Variants in DTNA observed in about 807,000 individuals in gnomAD.
DTNA encodes dystrophin-related protein 3.
A neutral mutation model predicts 100.7 loss-of-function variants in DTNA; 43 were observed. The observed-to-expected ratio is 0.43, with a 90% CI of 0.33 to 0.55. DTNA has a LOEUF of 0.55. Ranked by LOEUF, DTNA falls within the 20% of genes least tolerant of loss-of-function variation. The pLI, the probability that DTNA is intolerant of heterozygous loss-of-function variation, is 0.04. For missense variants in DTNA, 798 were observed against 953.9 expected (o/e 0.84, Z 2.15); for synonymous variants, 349 against 347.9 (o/e 1.00, Z -0.04).
intron 1 of DTNA, among the ~76,000 whole-genome samples, chr18:34,657,168 A>G (rs906325536): frequency 6.6e-6 from 1 of 152,144 alleles, no homozygotes; most frequent in Non-Finnish European, 1.5e-5. Flanking sequence ...GAGCCACTGC[A>G]CCTGGTCCTA....
intron 1 of DTNA, among the ~76,000 whole-genome samples, chr18:34,496,875 A>G (rs925162893): frequency 6.6e-6 from 1 of 152,200 alleles, no homozygotes; most frequent in Admixed American, 6.5e-5. Context: ...AAATGCTTGC[A>G]TGTTAATTTT....
chr18:34,830,469 T>TATCCCTGTGTCTTTTGAAGATCA (rs1225442249), intron 11 of DTNA, among the ~76,000 whole-genome samples: 3 of 152,204 alleles, frequency 2.0e-5, no homozygotes, highest in African/African-American at 7.2e-5. Flanking sequence ...CACAGGGATA[T>TATCCCTGTGTCTTTTGAAGATCA]AACTTTGAAG....
chr18:34,764,066 A>T (rs941074120), intron 2 of DTNA, among the ~76,000 whole-genome samples: 1 of 152,206 alleles, frequency 6.6e-6, no homozygotes, highest in African/African-American at 2.4e-5. Flanking sequence ...TCCAGGGGAA[A>T]CTAGATCAAA....
At chr18:34,656,581 G>C (rs769916586) in intron 1 of DTNA, among the ~76,000 whole-genome samples, 2 of 152,118 alleles carry the variant, frequency 1.3e-5, no homozygotes, top group African/African-American at 4.8e-5. Context: ...GCCCTGCCAG[G>C]TTTCCTAAAC....
At chr18:34,672,950 A>G (rs936444004) in intron 1 of DTNA, among the ~76,000 whole-genome samples, 4 of 150,740 alleles carry the variant, frequency 2.7e-5, no homozygotes, top group Non-Finnish European at 4.4e-5. Context: ...TCCTAAAAGG[A>G]GAGTTACTTT....
intron 7 of DTNA, among the ~76,000 whole-genome samples, chr18:34,816,349 T>C (rs1263025867): frequency 6.6e-6 from 1 of 152,142 alleles, no homozygotes; most frequent in African/African-American, 2.4e-5. Flanking sequence ...CATATTTGCA[T>C]ACACGGTACT....
intron 1 of DTNA, among the ~76,000 whole-genome samples, chr18:34,609,374 G>A (rs556876736): frequency 4.6e-5 from 7 of 151,310 alleles, no homozygotes; most frequent in South Asian, 4.2e-4. Context: ...CCTCCCGAGC[G>A]GCTGGGACTA....
At chr18:34,621,128 C>T (rs2056419902) in intron 1 of DTNA, among the ~76,000 whole-genome samples, 1 of 149,586 alleles carries the variant, frequency 6.7e-6, no homozygotes, top group South Asian at 2.1e-4. Context: ...AACATGATTT[C>T]TTAAGGATCA....
chr18:34,653,479 A>T (rs988983817), intron 1 of DTNA, among the ~76,000 whole-genome samples: 1 of 151,630 alleles, frequency 6.6e-6, no homozygotes, highest in Admixed American at 6.6e-5. Flanking sequence ...CATTTATGTG[A>T]TTGAAAGAAC....
chr18:34,723,510 T>C (rs1342004315), intron 1 of DTNA, among the ~76,000 whole-genome samples: 1 of 152,164 alleles, frequency 6.6e-6, no homozygotes, highest in Non-Finnish European at 1.5e-5. Context: ...TGTGAGACCA[T>C]ATGTCAATAA....
intron 1 of DTNA, among the ~76,000 whole-genome samples, chr18:34,579,251 AT>A (rs1179110581): frequency 1.3e-5 from 2 of 152,176 alleles, no homozygotes; most frequent in African/African-American, 4.8e-5. Flanking sequence ...ATGTGTTACT[AT>A]TTTTGCTTTA....
At chr18:34,785,830 C>CATGT (rs5823955) in intron 3 of DTNA, among the ~76,000 whole-genome samples, 1 of 152,102 alleles carries the variant, frequency 6.6e-6, no homozygotes. Flanking sequence ...TGATTAGGGA[C>CATGT]CTATTTTGTA....
intron 1 of DTNA, among the ~76,000 whole-genome samples, chr18:34,560,016 A>T (rs537236891): frequency 6.6e-6 from 1 of 152,146 alleles, no homozygotes; most frequent in Non-Finnish European, 1.5e-5. Flanking sequence ...TTTCATACAT[A>T]CCCTTTCCCA....
intron 1 of DTNA, among the ~76,000 whole-genome samples, chr18:34,538,184 AG>A (rs1241498624): frequency 6.6e-6 from 1 of 152,074 alleles, no homozygotes; most frequent in East Asian, 1.9e-4. Flanking sequence ...GCTAACAAAA[AG>A]AGAGCAGTTT....
At chr18:34,778,793 A>AT (rs111920975) in intron 3 of DTNA, among the ~76,000 whole-genome samples, 21,730 of 152,006 alleles carry the variant, frequency 0.14, 1,625 homozygotes, top group African/African-American at 0.18. Context: ...TAAAAGCTAT[A>AT]TATATAGGGA....
chr18:34,786,943 T>C (rs2094529934), intron 3 of DTNA, among the ~76,000 whole-genome samples: 1 of 152,202 alleles, frequency 6.6e-6, no homozygotes, highest in Non-Finnish European at 1.5e-5. Context: ...TGAGAACTAC[T>C]GACTTCAAGA....
chr18:34,866,280 G>A (rs753195337), intron 17 of DTNA: 62 of 1,549,028 alleles, frequency 4.0e-5, no homozygotes, highest in Non-Finnish European at 5.2e-5. Context: ...TTTCAATGTA[G>A]TGCTTGAATT....
At chr18:34,780,563 GATATT>G (rs887446254) in intron 3 of DTNA, among the ~76,000 whole-genome samples, 6 of 152,158 alleles carry the variant, frequency 3.9e-5, no homozygotes, top group Non-Finnish European at 4.4e-5. Flanking sequence ...AAAAAACAAT[GATATT>G]ATATTGTGGA....
intron 1 of DTNA, chr18:34,737,736 C>A (rs1458098513): frequency 6.6e-6 from 1 of 152,082 alleles, no homozygotes; most frequent in East Asian, 1.9e-4. Flanking sequence ...TAGGAGTCTT[C>A]GCAGAACTCT....
Sources: gnomAD v4.1 joint callset for allele counts (sites outside exome capture counted in the v4.1 genomes callset) on GRCh38, gnomAD v4.1.1 for gene constraint, MANE v1.5 for transcripts, NCBI Gene and HGNC (gene_info 2026-07-23, HGNC 2026-07-21) for gene names.